SLC35F5: variants seen among roughly 807,000 people sequenced by gnomAD.
SLC35F5 encodes solute carrier family 35 member F5.
Under a neutral mutation model 68.6 loss-of-function variants are expected in SLC35F5, and 54 were observed. That is an observed-to-expected ratio of 0.79 (90% confidence interval 0.63 to 0.99). The LOEUF is 0.99. Ranked by LOEUF, SLC35F5 falls within the 50% of genes least tolerant of loss-of-function variation. The probability of loss-of-function intolerance (pLI) is 0.00; values close to 1 mark genes in which losing one functional copy is unlikely to be tolerated. For synonymous variants in SLC35F5, 211 were observed against 205.2 expected, an observed-to-expected ratio of 1.03 and a Z score of -0.24; for missense variants, 567 against 626.9, an observed-to-expected ratio of 0.90 and a Z score of 1.02.
chr2:113,735,702 G>C, intron 8 of SLC35F5, 75 bp downstream of exon 8: 1 of 914,418 alleles, frequency 1.1e-6, no homozygotes, highest in Non-Finnish European at 1.7e-6. Context: ...TAAAAATGTT[G>C]TACATGTACA....
chr2:113,723,374 A>G (rs553334864), intron 12 of SLC35F5, among the ~76,000 whole-genome samples, 180 bp from the exon 13 acceptor site: 1 of 152,216 alleles, frequency 6.6e-6, no homozygotes, highest in South Asian at 2.1e-4. Context: ...TTTTTCTTCA[A>G]ATATTAAAAA....
chr2:113,756,050 T>C, intron 1 of SLC35F5: 2 of 1,466,002 alleles, frequency 1.4e-6, no homozygotes, highest in Non-Finnish European at 1.8e-6. Context: ...CACCCACCTC[T>C]ATCAAAACAT....
intron 10 of SLC35F5, among the ~76,000 whole-genome samples, chr2:113,730,898 C>A (rs1574235678): frequency 6.6e-6 from 1 of 152,060 alleles, no homozygotes; most frequent in Admixed American, 6.6e-5. Context: ...CAAAGTATCC[C>A]CCACAAGATG....
In SLC35F5 at chr2:113,725,254, C is replaced by A; in HGVS notation, c.1250+124G>T. ...CCTGCTCTAGTGGAGTTAAAGTATT[C>A]AGTTGTATGTGTGTTGCAGAATGGG... On this transcript the variant is annotated intron_variant, in intron 12 of 15. Coordinates refer to ENST00000245680, the MANE Select transcript of SLC35F5 (RefSeq NM_025181.5). The A allele has an allele frequency of 6.2e-6, 5 of 809,948 alleles. No homozygotes were observed. The South Asian group carries it at 8.4e-5, about 14-fold the overall frequency. 50.2% of individuals were successfully genotyped at this position (809,948 alleles called of 1,614,324 possible). A position where few individuals can be genotyped will look rare whatever the true frequency, so the allele number is the denominator to read the frequency against.
At chr2:113,715,780 G>T (rs1014849617) in intron 15 of SLC35F5, among the ~76,000 whole-genome samples, 1 of 151,438 alleles carries the variant, frequency 6.6e-6, no homozygotes, top group Non-Finnish European at 1.5e-5. Context: ...AAAAAGTTTT[G>T]CTGTAATTTT....
rs1367100546 is a variant in SLC35F5, at chr2:113,753,162, GTTTTTC to G, written c.273+1997_273+2002del. 1.5e-3 allele frequency among the ~76,000 whole-genome samples: 75 copies of G among 50,534 alleles called. 6 individuals carry two copies. Among genetic ancestry groups the G allele is most frequent in the African/African-American group, 4.8e-3 (73 of 15,098 alleles). The allele number at this position is 50,534 out of a possible 152,430, so 33.2% of individuals were successfully genotyped here. A position where few individuals can be genotyped will look rare whatever the true frequency, so the allele number is the denominator to read the frequency against. Reference sequence around the variant, plus strand: ...AATACACACTTTATCTCCAAAGTTTGTTTTTCTTTTTTTTTTTTTTTTTTTTTTTTT... The same window carrying G: ...AATACACACTTTATCTCCAAAGTTTGTTTTTTTTTTTTTTTTTTTTTTTTT... On this transcript the variant is annotated intron_variant, in intron 3 of 15. Transcript: ENST00000245680.
At chr2:113,703,054 G>A (rs1303202674), downstream of SLC35F5, among the ~76,000 whole-genome samples, 1 of 151,974 alleles carries the variant, frequency 6.6e-6, no homozygotes, top group Non-Finnish European at 1.5e-5. Flanking sequence ...AGGTTGCAAT[G>A]AGCCAAGATC....
intron 10 of SLC35F5, among the ~76,000 whole-genome samples, chr2:113,729,758 T>C (rs4849270): frequency 0.73 from 110,815 of 152,012 alleles, 40,952 homozygotes; most frequent in Middle Eastern, 0.84. Context: ...CCTCAATGAT[T>C]CGACCAAAAC....
At chr2:113,725,304 A>C (rs1687616168) in intron 12 of SLC35F5, 74 bp downstream of exon 12, 1 of 1,435,846 alleles carries the variant, frequency 7.0e-7, no homozygotes, top group Non-Finnish European at 9.5e-7. Flanking sequence ...CCACCAGCAA[A>C]CAGACAAATA....
chr2:113,753,468 C>G (rs1478705778), intron 3 of SLC35F5, among the ~76,000 whole-genome samples: 3 of 151,980 alleles, frequency 2.0e-5, no homozygotes, highest in South Asian at 2.1e-4. Flanking sequence ...TGAGCCACTG[C>G]GCCTGGCCCT....
intron 1 of SLC35F5, 166 bp from the exon 2 acceptor site, chr2:113,755,710 T>C: frequency 9.8e-7 from 1 of 1,023,028 alleles, no homozygotes; most frequent in Non-Finnish European, 1.5e-6. Context: ...TGGTATCCAC[T>C]GCACGCTTCA....
At chr2:113,735,933 T>A in intron 7 of SLC35F5, 75 bp from the exon 8 acceptor site, 1 of 576,976 alleles carries the variant, frequency 1.7e-6, no homozygotes, top group Non-Finnish European at 2.7e-6. Flanking sequence ...CAGAATTCCC[T>A]TTTTTGTTCT....
At chr2:113,702,824 A>G (rs1379276885), downstream of SLC35F5, among the ~76,000 whole-genome samples, 2 of 152,216 alleles carry the variant, frequency 1.3e-5, no homozygotes, top group African/African-American at 4.8e-5. Context: ...TGAGTAAAAT[A>G]TGGGCCAGGC....
intron 12 of SLC35F5, among the ~76,000 whole-genome samples, chr2:113,723,989 C>A (rs1333709849): frequency 1.3e-5 from 2 of 152,076 alleles, no homozygotes; most frequent in African/African-American, 4.8e-5. Context: ...GACTACAGAT[C>A]CATGGAAGTT....
At chr2:113,734,516 G>T in intron 9 of SLC35F5, 70 bp downstream of exon 9, 1 of 862,670 alleles carries the variant, frequency 1.2e-6, no homozygotes, top group Non-Finnish European at 1.9e-6. Flanking sequence ...AACTACCCTG[G>T]TGCCACTATC....
rs1202312524 is a variant in SLC35F5, at chr2:113,713,813, T to C, written c.*1405A>G. The stretch of plus-strand genomic sequence containing the variant: ...TAAATTTAATATCATAAACAATTTT[T>C]AAAGGTAATATAATATAGAAGTTCT... On this transcript the variant is annotated 3_prime_UTR_variant, in exon 16 of 16. Transcript: ENST00000245680. 2.0e-5 allele frequency: 3 copies of C among 150,608 alleles called. No individual in the cohort carries two copies. The highest frequency in any genetic ancestry group is 3.0e-5 in the Non-Finnish European group (2 of 67,734). 9.3% of individuals were successfully genotyped at this position (150,608 alleles called of 1,614,324 possible).
intron 15 of SLC35F5, among the ~76,000 whole-genome samples, chr2:113,717,274 T>G (rs777547721): frequency 1.3e-5 from 2 of 152,210 alleles, no homozygotes; most frequent in Non-Finnish European, 2.9e-5. Flanking sequence ...GGATAAACAC[T>G]GTGCCAGTTA....
intron 5 of SLC35F5, among the ~76,000 whole-genome samples, chr2:113,744,427 A>T (rs368800656): frequency 9.9e-5 from 15 of 152,198 alleles, no homozygotes; most frequent in African/African-American, 3.4e-4. Context: ...AGTTAAACAT[A>T]TATTTCTCAT....
intron 13 of SLC35F5, among the ~76,000 whole-genome samples, chr2:113,721,971 C>T (rs373289413): frequency 1.2e-4 from 13 of 107,638 alleles, no homozygotes; most frequent in East Asian, 4.8e-4. Context: ...TTGCTTTTAT[C>T]TTTTTTTTTT....
Sources: gnomAD v4.1 joint callset for allele counts (sites outside exome capture counted in the v4.1 genomes callset) on GRCh38, gnomAD v4.1.1 for gene constraint, MANE v1.5 for transcripts, NCBI Gene and HGNC (gene_info 2026-07-23, HGNC 2026-07-21) for gene names.